ZSCAN26: variants seen among roughly 807,000 people sequenced by gnomAD.
ZSCAN26 encodes zinc finger and SCAN domain-containing protein 26.
In ZSCAN26, 26 loss-of-function variants were observed where a neutral mutation model predicts 23.0. The observed-to-expected ratio is 1.13, with a 90% CI of 0.83 to 1.57. The LOEUF is 1.57. ZSCAN26 is among the 40% of genes most tolerant of loss of function. ZSCAN26 has a pLI of 0.00. For synonymous variants in ZSCAN26, 180 were observed against 202.5 expected, an observed-to-expected ratio of 0.89 and a Z score of 0.94; for missense variants, 528 against 568.5, an observed-to-expected ratio of 0.93 and a Z score of 0.72.
intron 3 of ZSCAN26, among the ~76,000 whole-genome samples, chr6:28,273,566 A>AC (rs1227426128): frequency 6.6e-6 from 1 of 151,814 alleles, no homozygotes; most frequent in Non-Finnish European, 1.5e-5. Context: ...AAAAAAAAAA[A>AC]CAAGTACTGC....
chr6:28,276,699 T>G lies in ZSCAN26; in HGVS notation c.1043T>G (p.Phe348Cys). 6.2e-7 allele frequency: 1 copy of G among 1,612,778 alleles called. No homozygotes were observed. The highest frequency in any genetic ancestry group is 8.5e-7 in the Non-Finnish European group (1 of 1,179,308). The change falls in exon 4 of 4, where the codon TTT becomes TGT. Residue 348 changes from phenylalanine to cysteine, a missense_variant. Physicochemically the swap from Phe to Cys is radical, Grantham distance 205. Transcript: ENST00000421553. ...PYLCIHCGKN[F>C]RRSSHLNRHQ... Reference sequence around the variant, plus strand: ...CTATGTATCCATTGTGGAAAAAATTTTAGGCGCAGCTCTCACCTTAATCGA... The same window carrying G: ...CTATGTATCCATTGTGGAAAAAATTGTAGGCGCAGCTCTCACCTTAATCGA...
At chr6:28,272,581 CT>C (rs1561874948) in intron 2 of ZSCAN26, 88 bp from the exon 3 acceptor site, 3 of 1,171,874 alleles carry the variant, frequency 2.6e-6, no homozygotes, top group Middle Eastern at 4.0e-4. Flanking sequence ...TCTTTCTTCT[CT>C]TTTTTAACAC....
Position 28,276,427 on chromosome 6 carries a change from G to T in ZSCAN26, c.771G>T (p.Lys257Asn), listed in dbSNP as rs368592837. 5 of 1,613,900 alleles carry T rather than the reference G, an allele frequency of 3.1e-6. No homozygotes were observed. Among genetic ancestry groups the T allele is most frequent in the South Asian group, 2.2e-5 (2 of 91,090 alleles). The change falls in exon 4 of 4, where the codon AAG (lysine) becomes AAT (asparagine). Residue 257 changes from lysine to asparagine, a missense_variant. Lys to Asn is a moderately conservative substitution (Grantham distance 94). Coordinates refer to ENST00000421553, the MANE Select transcript of ZSCAN26 (RefSeq NM_001023560.4). ...LIEHASTHTG[K>N]KLCESDVCQS... ...AACATGCGAGTACACACACGGGAAA[G>T]AAACTCTGCGAGTCTGATGTGTGTC...
At position 28,272,120 on chromosome 6, in the gene ZSCAN26, A is replaced by G; in HGVS notation, c.201A>G (p.Glu67=). The change falls in exon 2 of 4, where the codon GAA becomes GAG. Residue 67 remains glutamate, a synonymous_variant. Coordinates refer to ENST00000421553, the MANE Select transcript of ZSCAN26 (RefSeq NM_001023560.4). ...LRYEETTGPR[E]ALSRLRELCQ... is the part of the protein sequence containing the mutation. ...ATGAAGAGACCACAGGACCTCGAGAAGCACTAAGTCGGCTCCGGGAGCTCT... is the reference window on the plus strand; with the variant it reads ...ATGAAGAGACCACAGGACCTCGAGAGGCACTAAGTCGGCTCCGGGAGCTCT... The G allele has an allele frequency of 6.2e-7, 1 of 1,604,328 alleles. No homozygotes were observed. Among genetic ancestry groups the G allele is most frequent in the South Asian group, 1.1e-5 (1 of 89,520 alleles).
rs1321667906 is a variant in ZSCAN26 at position 28,277,299 on chromosome 6, A to G, written c.*203A>G. ...ATTTCACTGTAGATGATATGCTAGG[A>G]TCAAAGTTAAACAGCATTCTTCACT... is the stretch of plus-strand genomic sequence containing the variant. On this transcript the variant is annotated 3_prime_UTR_variant, in exon 4 of 4. Coordinates refer to ENST00000421553, the MANE Select transcript of ZSCAN26 (RefSeq NM_001023560.4). 3.4e-6 allele frequency: 2 copies of G among 584,038 alleles called. No individual in the cohort carries two copies. The highest frequency in any genetic ancestry group is 3.0e-6 in the Non-Finnish European group (1 of 331,136). The allele number at this position is 584,038 out of a possible 1,614,324, so 36.2% of individuals were successfully genotyped here. A position where few individuals can be genotyped will look rare whatever the true frequency, so the allele number is the denominator to read the frequency against.
rs776390277 is a variant in ZSCAN26 at position 28,276,479 on chromosome 6, A to G, written c.823A>G (p.Lys275Glu). ...GAGTTCCAGTCTTACAGGACATAAGAAAGTCCTCTCTAGAGAGAAAGGTCA... is the reference window on the plus strand; with the variant it reads ...GAGTTCCAGTCTTACAGGACATAAGGAAGTCCTCTCTAGAGAGAAAGGTCA... Reference protein sequence around the residue: ...CQSSSLTGHKKVLSREKGHQC... With the variant: ...CQSSSLTGHKEVLSREKGHQC... Residue 275 changes from lysine (K) to glutamate (E), a missense_variant, in exon 4 of 4, where the codon AAA becomes GAA. Physicochemically the swap from Lys to Glu is moderately conservative, Grantham distance 56 (BLOSUM62 1). Transcript: ENST00000421553. The G allele has an allele frequency of 2.5e-6, 4 of 1,613,892 alleles. No homozygotes were observed. In the South Asian group the frequency reaches 3.3e-5, roughly 13 times the overall value.
chr6:28,275,182 A>T (rs1034099020), intron 3 of ZSCAN26, among the ~76,000 whole-genome samples: 1 of 152,072 alleles, frequency 6.6e-6, no homozygotes, highest in African/African-American at 2.4e-5. Flanking sequence ...TGCTGCTTAG[A>T]GTCTTTCTTC....
intron 3 of ZSCAN26, 70 bp from the exon 4 acceptor site, chr6:28,276,125 T>G: frequency 7.1e-7 from 1 of 1,414,730 alleles, no homozygotes; most frequent in Non-Finnish European, 9.6e-7. Context: ...TTTTTTTTCC[T>G]TTTAGTTGCA....
rs748745588 is a variant in ZSCAN26 at position 28,271,958 on chromosome 6, C to G, written c.39C>G (p.Pro13=). The G allele has an allele frequency of 1.0e-5, 16 of 1,551,510 alleles. No homozygotes were observed. The South Asian group carries it at 1.9e-4, about 18-fold the overall frequency. The change falls in exon 2 of 4, where the codon CCC becomes CCG. Residue 13 remains proline (P), a synonymous_variant. Coordinates refer to ENST00000421553, the MANE Select transcript of ZSCAN26 (RefSeq NM_001023560.4). ...TGGTGAGTGCCCATTCCCTGGCTCCCCTGAATCTGAAGAAGGAGGGGCTTC... is the reference window on the plus strand; with the variant it reads ...TGGTGAGTGCCCATTCCCTGGCTCCGCTGAATCTGAAGAAGGAGGGGCTTC... ...TALVSAHSLA[P]LNLKKEGLRV...
At chr6:28,269,325 A>G (rs1561872457) in intron 1 of ZSCAN26, among the ~76,000 whole-genome samples, 1 of 152,194 alleles carries the variant, frequency 6.6e-6, no homozygotes, top group East Asian at 1.9e-4. Context: ...TACCTAAACA[A>G]TAATACGAAT....
chr6:28,268,310 C>A (rs1393679173), intron 1 of ZSCAN26, among the ~76,000 whole-genome samples: 1 of 151,756 alleles, frequency 6.6e-6, no homozygotes, highest in African/African-American at 2.4e-5. Context: ...GAGGGTGGTC[C>A]AAGCAGAAGG....
Position 28,272,231 on chromosome 6 carries a change from T to C in ZSCAN26, c.312T>C (p.Pro104=). Reference sequence around the variant, plus strand: ...TGGAGCAGTTTCTGATCATCCTGCCTAAGGAGCTCCAGGCCCGGGTGCAGG... The same window carrying C: ...TGGAGCAGTTTCTGATCATCCTGCCCAAGGAGCTCCAGGCCCGGGTGCAGG... ...LVLEQFLIIL[P]KELQARVQEH... is the part of the protein sequence containing the mutation. The change falls in exon 2 of 4, where the codon CCT becomes CCC. Residue 104 remains proline (P), a synonymous_variant. Transcript: ENST00000421553. 6.2e-7 allele frequency: 1 copy of C among 1,613,796 alleles called. No individual in the cohort carries two copies. The highest frequency in any genetic ancestry group is 8.5e-7 in the Non-Finnish European group (1 of 1,179,888).
chr6:28,275,599 A>G (rs1761898258), intron 3 of ZSCAN26, among the ~76,000 whole-genome samples: 1 of 152,172 alleles, frequency 6.6e-6, no homozygotes, highest in African/African-American at 2.4e-5. Context: ...CACACAGGAG[A>G]GCAGTTACTG....
intron 1 of ZSCAN26, among the ~76,000 whole-genome samples, chr6:28,268,923 G>A (rs900912142): frequency 6.6e-6 from 1 of 151,960 alleles, no homozygotes; most frequent in Non-Finnish European, 1.5e-5. Flanking sequence ...GACCAGCTTG[G>A]CCAACATGGT....
chr6:28,273,829 C>T (rs1219713438), intron 3 of ZSCAN26, among the ~76,000 whole-genome samples: 5 of 151,930 alleles, frequency 3.3e-5, no homozygotes, highest in African/African-American at 1.2e-4. Flanking sequence ...GTGATCCTCC[C>T]ACCTCAGCCT....
chr6:28,273,360 G>T (rs1015245824), intron 3 of ZSCAN26, among the ~76,000 whole-genome samples: 4 of 152,130 alleles, frequency 2.6e-5, no homozygotes, highest in African/African-American at 9.7e-5. Context: ...TGGCCAAGAT[G>T]GTGAAACACT....
At chr6:28,268,425 G>C (rs1761532551) in intron 1 of ZSCAN26, among the ~76,000 whole-genome samples, 1 of 152,124 alleles carries the variant, frequency 6.6e-6, no homozygotes, top group South Asian at 2.1e-4. Context: ...TAAATGTTTT[G>C]AACTTGATCC....
chr6:28,267,689 A>T (rs1036754553), intron 1 of ZSCAN26, among the ~76,000 whole-genome samples: 3 of 152,150 alleles, frequency 2.0e-5, no homozygotes, highest in African/African-American at 7.2e-5. Context: ...GGGTATGGAG[A>T]GGAAGAGTGT....
chr6:28,273,561 A>C (rs1761806180), intron 3 of ZSCAN26, among the ~76,000 whole-genome samples: 2 of 151,892 alleles, frequency 1.3e-5, no homozygotes, highest in South Asian at 4.2e-4. Flanking sequence ...CAAACAAAAA[A>C]AAAAACAAGT....
Sources: gnomAD v4.1 joint callset for allele counts (sites outside exome capture counted in the v4.1 genomes callset) on GRCh38, gnomAD v4.1.1 for gene constraint, MANE v1.5 for transcripts, NCBI Gene and HGNC (gene_info 2026-07-23, HGNC 2026-07-21) for gene names.